CADM1: variants seen among roughly 807,000 people sequenced by gnomAD.
The protein encoded by CADM1 is cell adhesion molecule 1.
CADM1 carries 15 observed loss-of-function variants against 53.1 expected under a neutral mutation model. The observed-to-expected ratio is 0.28, with a 90% CI of 0.19 to 0.44. The LOEUF (loss-of-function observed/expected upper bound fraction) is 0.44, where lower values mean the gene tolerates loss of function less well. Ranked by LOEUF, CADM1 falls within the 20% of genes least tolerant of loss-of-function variation. CADM1 has a pLI of 1.00. For missense variants in CADM1, 434 were observed against 611.3 expected (o/e 0.71, Z 3.06); for synonymous variants, 281 against 243.0 (o/e 1.16, Z -1.45).
intron 1 of CADM1, among the ~76,000 whole-genome samples, chr11:115,365,753 C>A (rs1160692862): frequency 2.0e-5 from 3 of 152,062 alleles, no homozygotes; most frequent in South Asian, 4.2e-4. Context: ...AAAAAAAATT[C>A]TTTGTTTAAA....
intron 1 of CADM1, among the ~76,000 whole-genome samples, chr11:115,498,645 G>A (rs1949671617): frequency 6.6e-6 from 1 of 152,210 alleles, no homozygotes. Flanking sequence ...GGTCTCCTCA[G>A]TAGAAGCAAT....
intron 1 of CADM1, among the ~76,000 whole-genome samples, chr11:115,444,094 CA>C (rs1209601584): frequency 6.6e-6 from 1 of 150,802 alleles, no homozygotes; most frequent in Non-Finnish European, 1.5e-5. Context: ...TTCTAGTAAT[CA>C]AAAAAAACAT....
chr11:115,238,473 C>T (rs751033857), intron 3 of CADM1, 27 bp downstream of exon 3: 19 of 1,612,162 alleles, frequency 1.2e-5, no homozygotes, highest in East Asian at 4.5e-5. Flanking sequence ...TCCATTTCCC[C>T]GGGTAAGCCC....
chr11:115,449,713 G>A (rs1010746456), intron 1 of CADM1, among the ~76,000 whole-genome samples: 3 of 152,082 alleles, frequency 2.0e-5, no homozygotes, highest in Non-Finnish European at 2.9e-5. Flanking sequence ...AAATGCTTTC[G>A]GTGTTTTATA....
At chr11:115,337,576 G>A (rs1397686937) in intron 1 of CADM1, among the ~76,000 whole-genome samples, 1 of 151,876 alleles carries the variant, frequency 6.6e-6, no homozygotes, top group East Asian at 1.9e-4. Context: ...ACCTCCCTTG[G>A]CTCTTTACTA....
chr11:115,356,734 C>T (rs1945881491), intron 1 of CADM1, among the ~76,000 whole-genome samples: 1 of 152,062 alleles, frequency 6.6e-6, no homozygotes, highest in South Asian at 2.1e-4. Context: ...TGCTTTTAAG[C>T]TAAACTAAAA....
At chr11:115,381,067 C>T (rs1426881926) in intron 1 of CADM1, among the ~76,000 whole-genome samples, 2 of 151,956 alleles carry the variant, frequency 1.3e-5, no homozygotes, top group African/African-American at 2.4e-5. Flanking sequence ...GATTCTGAGG[C>T]AGGTGGATCA....
chr11:115,176,291 A>G lies in CADM1; in HGVS notation c.*183T>C, dbSNP rs1939024286. The G allele has an allele frequency of 6.9e-7, 1 of 1,440,434 alleles. No homozygotes were observed. Among genetic ancestry groups the G allele is most frequent in the Non-Finnish European group, 9.1e-7 (1 of 1,093,956 alleles). The allele number at this position is 1,440,434 out of a possible 1,614,324, so 89.2% of individuals were successfully genotyped here. A position where few individuals can be genotyped will look rare whatever the true frequency, so the allele number is the denominator to read the frequency against. ...AACGAAAAAAGAGGTGTCAAACAGC[A>G]GAGTGTACTTTCCAAAGAACATTTT... is the stretch of plus-strand genomic sequence containing the variant. On this transcript the variant is annotated 3_prime_UTR_variant, in exon 12 of 12. Transcript: ENST00000331581.
chr11:115,313,685 G>A (rs938979958), intron 1 of CADM1, among the ~76,000 whole-genome samples: 4 of 152,140 alleles, frequency 2.6e-5, no homozygotes, highest in Admixed American at 2.6e-4. Flanking sequence ...TCCCTGAAGC[G>A]GGGTCAGCCA....
intron 1 of CADM1, among the ~76,000 whole-genome samples, chr11:115,466,015 G>A (rs1325423645): frequency 6.6e-6 from 1 of 152,038 alleles, no homozygotes; most frequent in Non-Finnish European, 1.5e-5. Flanking sequence ...CCAGCAATGT[G>A]ACTATGATTT....
chr11:115,240,349 C>T lies in CADM1; in HGVS notation c.196G>A (p.Val66Ile), dbSNP rs1471121069. 2 of 1,613,678 alleles carry T rather than the reference C, an allele frequency of 1.2e-6. No homozygotes were observed. Among genetic ancestry groups the T allele is most frequent in the Non-Finnish European group, 1.7e-6 (2 of 1,179,868 alleles). Reference sequence around the variant, plus strand: ...ATCACAGAGTCGTCACTCTTATTGACTTGGCAACTGATGGTCGCAACCTCT... The same window carrying T: ...ATCACAGAGTCGTCACTCTTATTGATTTGGCAACTGATGGTCGCAACCTCT... ...EGEVATISCQ[V>I]NKSDDSVIQL... Residue 66 changes from valine to isoleucine, a missense_variant, in exon 2 of 12, where the codon GTC becomes ATC. Physicochemically the swap from Val to Ile is conservative, Grantham distance 29. This residue lies in a region of CADM1 where 31 missense variants were observed against 74.6 expected (regional missense o/e 0.42). Coordinates refer to ENST00000331581, the MANE Select transcript of CADM1 (RefSeq NM_001301043.2).
At position 115,178,687 on chromosome 11, in the gene CADM1, C is replaced by T. The variant is rs762258727; in HGVS notation, c.1254G>A (p.Leu418=). The change falls in exon 11 of 12, where the codon CTG becomes CTA. Residue 418 remains leucine, a synonymous_variant. Coordinates refer to ENST00000331581, the MANE Select transcript of CADM1 (RefSeq NM_001301043.2). ...GVVAVVVFAM[L]CLLIILGRYF... The stretch of plus-strand genomic sequence containing the variant: ...AGCGCCCCAGAATGATGAGCAAGCA[C>T]AGCATGGCGAACACCACCACCGCCA... The T allele has an allele frequency of 6.2e-7, 1 of 1,613,716 alleles. No homozygotes were observed. The highest frequency in any genetic ancestry group is 8.5e-7 in the Non-Finnish European group (1 of 1,179,990).
At chr11:115,189,289 G>A (rs1435470657) in intron 10 of CADM1, among the ~76,000 whole-genome samples, 1 of 152,106 alleles carries the variant, frequency 6.6e-6, no homozygotes, top group Non-Finnish European at 1.5e-5. Flanking sequence ...TGATGATGCT[G>A]GTGGAAGGGG....
intron 1 of CADM1, among the ~76,000 whole-genome samples, chr11:115,340,649 TATATATA>T (rs1199253152): frequency 2.2e-3 from 111 of 51,390 alleles, no homozygotes; most frequent in Non-Finnish European, 2.9e-3. Flanking sequence ...TATATATATA[TATATATA>T]TATTTTTTTT....
At chr11:115,373,606 AAAGAAG>A (rs1156302687) in intron 1 of CADM1, among the ~76,000 whole-genome samples, 2,890 of 118,812 alleles carry the variant, frequency 0.024, 171 homozygotes, top group South Asian at 0.05. Flanking sequence ...AAAAAAAAAA[AAAGAAG>A]AAGAAGAAGA....
intron 1 of CADM1, among the ~76,000 whole-genome samples, chr11:115,490,589 A>G (rs1001157303): frequency 4.6e-5 from 7 of 151,884 alleles, no homozygotes; most frequent in African/African-American, 1.7e-4. Context: ...CAGTAGAGAC[A>G]GGGTTTCACC....
chr11:115,269,219 C>G (rs1488156666), intron 1 of CADM1, among the ~76,000 whole-genome samples: 1 of 152,134 alleles, frequency 6.6e-6, no homozygotes, highest in African/African-American at 2.4e-5. Context: ...TGAAAACACA[C>G]ATGGCAGGAT....
rs546871303 is a variant in CADM1, at chr11:115,394,492, G to A, written c.124+109779C>T. On this transcript the variant is annotated intron_variant, in intron 1 of 11. Transcript: ENST00000331581. ...CAAGATAAATGAAAAAAAAAATGCCGGGTTAAGTTTTAGTCAGAACTTTAT... is the reference window on the plus strand; with the variant it reads ...CAAGATAAATGAAAAAAAAAATGCCAGGTTAAGTTTTAGTCAGAACTTTAT... Among the ~76,000 whole-genome samples, 8 of 152,092 alleles carry A rather than the reference G, an allele frequency of 5.3e-5. No homozygotes were observed. In the East Asian group the frequency reaches 9.6e-4, roughly 18 times the overall value.
intron 1 of CADM1, among the ~76,000 whole-genome samples, chr11:115,293,661 G>A (rs1452344562): frequency 6.6e-6 from 1 of 152,138 alleles, no homozygotes; most frequent in African/African-American, 2.4e-5. Flanking sequence ...ATTATTGAAT[G>A]AGACAACCAC....
Sources: gnomAD v4.1 joint callset for allele counts (sites outside exome capture counted in the v4.1 genomes callset) on GRCh38, gnomAD v4.1.1 for gene constraint, gnomAD v4.1.1 regional missense constraint, MANE v1.5 for transcripts, NCBI Gene and HGNC (gene_info 2026-07-23, HGNC 2026-07-21) for gene names.